The following PDE11A variants were observed in gnomAD, a reference collection of about 807,000 sequenced individuals.
The protein encoded by PDE11A is dual 3',5'-cyclic-AMP and -GMP phosphodiesterase 11A.
PDE11A carries 100 observed loss-of-function variants against 100.5 expected under a neutral mutation model. The observed-to-expected ratio is 1.00, with a 90% CI of 0.85 to 1.18. PDE11A has a LOEUF of 1.18. Ranked by LOEUF, PDE11A falls within the 50% of genes most tolerant of loss-of-function variation. PDE11A has a pLI of 0.00. For missense variants in PDE11A, 1,141 were observed against 1,152.6 expected (o/e 0.99, Z 0.15); for synonymous variants, 381 against 420.8 (o/e 0.91, Z 1.16).
chr2:177,992,575 A>G (rs1304960353), intron 2 of PDE11A, among the ~76,000 whole-genome samples: 1 of 152,160 alleles, frequency 6.6e-6, no homozygotes, highest in African/African-American at 2.4e-5. Flanking sequence ...TTCTGTATAA[A>G]CTTTTATTCC....
intron 2 of PDE11A, among the ~76,000 whole-genome samples, chr2:177,958,650 A>G (rs991901068): frequency 2.6e-5 from 4 of 152,240 alleles, no homozygotes; most frequent in Non-Finnish European, 4.4e-5. Context: ...CTAAAACCTC[A>G]AGGTGAATTT....
intron 6 of PDE11A, among the ~76,000 whole-genome samples, chr2:177,831,451 C>T (rs2083306921): frequency 6.6e-6 from 1 of 152,208 alleles, no homozygotes; most frequent in African/African-American, 2.4e-5. Flanking sequence ...CCCTTCATAC[C>T]TTAACTGTAT....
intron 19 of PDE11A, among the ~76,000 whole-genome samples, chr2:177,634,633 C>T (rs968341308): frequency 1.3e-5 from 2 of 152,128 alleles, no homozygotes; most frequent in Admixed American, 6.5e-5. Context: ...CGTGATCCCC[C>T]CGCCTCCGCC....
At position 177,717,526 on chromosome 2, in the gene PDE11A, G is replaced by A. The variant is rs114723913; in HGVS notation, c.2044-5648C>T. 2.3e-3 allele frequency among the ~76,000 whole-genome samples: 343 copies of A among 152,022 alleles called. 1 individual carries two copies. Among genetic ancestry groups the A allele is most frequent in the African/African-American group, 7.9e-3 (327 of 41,468 alleles). On this transcript the variant is annotated intron_variant, in intron 12 of 19. Transcript: ENST00000286063. ...TTCTGCTCCTGACCCAATCATTATG[G>A]GTTTTATTGAGCTTTAATGTTAATA... is the stretch of plus-strand genomic sequence containing the variant.
intron 15 of PDE11A, among the ~76,000 whole-genome samples, chr2:177,696,332 G>A (rs1205167660): frequency 1.3e-5 from 2 of 152,140 alleles, no homozygotes; most frequent in Non-Finnish European, 2.9e-5. Context: ...AGAAGAACAT[G>A]TTTCAAGAGC....
At chr2:177,872,860 A>G (rs1003019097) in intron 5 of PDE11A, among the ~76,000 whole-genome samples, 2 of 99,558 alleles carry the variant, frequency 2.0e-5, no homozygotes, top group Non-Finnish European at 4.5e-5. Flanking sequence ...ACTTCCAATA[A>G]ATGACTGAAG....
intron 19 of PDE11A, among the ~76,000 whole-genome samples, chr2:177,637,817 G>T: frequency 6.7e-6 from 1 of 150,072 alleles, no homozygotes. Flanking sequence ...ATATCATTTT[G>T]GATAGTTTCT....
chr2:177,731,635 G>C (rs1224564870), intron 10 of PDE11A, among the ~76,000 whole-genome samples: 1 of 152,166 alleles, frequency 6.6e-6, no homozygotes, highest in African/African-American at 2.4e-5. Context: ...TTTATGGAGT[G>C]GGGGAGTAGA....
intron 9 of PDE11A, among the ~76,000 whole-genome samples, chr2:177,794,047 G>A (rs560278667): frequency 1.7e-4 from 26 of 152,302 alleles, no homozygotes; most frequent in Non-Finnish European, 3.5e-4. Flanking sequence ...CCAGTATGGG[G>A]CTTATGATCT....
chr2:177,656,367 T>G (rs1237933333), intron 19 of PDE11A, among the ~76,000 whole-genome samples: 9 of 152,244 alleles, frequency 5.9e-5, no homozygotes, highest in Admixed American at 1.3e-4. Flanking sequence ...CTATCCCATA[T>G]AGCCTAGGTG....
chr2:177,724,387 T>C (rs1315408547), intron 12 of PDE11A, among the ~76,000 whole-genome samples: 2 of 152,080 alleles, frequency 1.3e-5, no homozygotes, highest in Non-Finnish European at 2.9e-5. Context: ...CTGAATACTT[T>C]TGCAAAACAC....
chr2:178,105,858 CAAA>C (rs35828567), intron 1 of PDE11A: 46 of 269,262 alleles, frequency 1.7e-4, no homozygotes, highest in East Asian at 6.7e-4. Flanking sequence ...GGTTTCTGTC[CAAA>C]AAAAAAAAAG....
chr2:177,740,315 A>C (rs1380523916), intron 10 of PDE11A, among the ~76,000 whole-genome samples: 1 of 152,282 alleles, frequency 6.6e-6, no homozygotes, highest in Non-Finnish European at 1.5e-5. Flanking sequence ...AATTTAAAAA[A>C]TTAAGAACTC....
intron 1 of PDE11A, among the ~76,000 whole-genome samples, chr2:178,066,470 G>A (rs919570691): frequency 1.3e-5 from 2 of 152,116 alleles, no homozygotes; most frequent in Non-Finnish European, 2.9e-5. Flanking sequence ...CCAGAACCTT[G>A]GTTCACATAC....
chr2:178,081,680 TTTTG>T (rs1048200039), intron 2 of PDE11A, among the ~76,000 whole-genome samples: 2 of 152,224 alleles, frequency 1.3e-5, no homozygotes, highest in African/African-American at 4.8e-5. Flanking sequence ...TTAAGCACTT[TTTTG>T]TTTGTTTGTT....
rs1188480937 is a variant in PDE11A at position 178,072,231 on chromosome 2, G to A, written c.207C>T (p.Gly69=). 5 of 1,613,472 alleles carry A rather than the reference G, an allele frequency of 3.1e-6. No homozygotes were observed. The highest frequency in any genetic ancestry group is 4.2e-6 in the Non-Finnish European group (5 of 1,179,676). ...GTCCAGTGCCACCACCAACGCTGCT[G>A]CCACCTCTGCAGGTGCTGTGAGCCA... The part of the protein sequence containing the change: ...SSLAHSTCRG[G]SSVGGGTGPN... The change falls in exon 1 of 20, where the codon GGC becomes GGT. Residue 69 remains glycine (G), a synonymous_variant. Coordinates refer to ENST00000286063, the MANE Select transcript of PDE11A (RefSeq NM_016953.4).
chr2:177,839,217 AT>A (rs1263194950), intron 6 of PDE11A, among the ~76,000 whole-genome samples: 8 of 152,206 alleles, frequency 5.3e-5, no homozygotes, highest in Non-Finnish European at 1.0e-4. Flanking sequence ...ACAGGGCAGG[AT>A]TAAGATTATG....
intron 13 of PDE11A, among the ~76,000 whole-genome samples, 170 bp downstream of exon 13, chr2:177,711,596 AAAG>A (rs1377766867): frequency 6.6e-6 from 1 of 152,228 alleles, no homozygotes; most frequent in Non-Finnish European, 1.5e-5. Flanking sequence ...TCTGCAATTA[AAAG>A]AAGAATAGGG....
At chr2:178,043,855 A>T (rs2086712710) in intron 1 of PDE11A, among the ~76,000 whole-genome samples, 1 of 152,204 alleles carries the variant, frequency 6.6e-6, no homozygotes. Flanking sequence ...CTGAGCCAGG[A>T]TGCTAACTAA....
Sources: allele counts gnomAD v4.1 joint callset (sites outside exome capture counted in the v4.1 genomes callset), GRCh38; gene constraint gnomAD v4.1.1; transcripts MANE v1.5; gene names NCBI Gene and HGNC (gene_info 2026-07-23, HGNC 2026-07-21).